Variants in KCNH2 observed in about 807,000 individuals in gnomAD.
The protein encoded by KCNH2 is voltage-gated inwardly rectifying potassium channel KCNH2.
In KCNH2, 35 loss-of-function variants were observed where a neutral mutation model predicts 95.9. The observed-to-expected ratio is 0.37, with a 90% confidence interval of 0.28 to 0.48. KCNH2 has a LOEUF of 0.48. Among genes scored for constraint, KCNH2 ranks in the 20% least tolerant of loss-of-function variants. The pLI, the probability that KCNH2 is intolerant of heterozygous loss-of-function variation, is 0.99. For synonymous variants in KCNH2, 786 were observed against 754.7 expected (o/e 1.04, Z -0.68); for missense variants, 1,274 against 1,702.9 (o/e 0.75, Z 4.43).
chr7:150,969,952 C>T (rs1563184380), intron 2 of KCNH2, among the ~76,000 whole-genome samples: 1 of 152,280 alleles, frequency 6.6e-6, no homozygotes, highest in South Asian at 2.1e-4. Flanking sequence ...ACATTCATCA[C>T]CTGTCCCAGC....
chr7:150,950,825 G>T, intron 8 of KCNH2, 96 bp downstream of exon 8: 1 of 1,317,676 alleles, frequency 7.6e-7, no homozygotes, highest in Non-Finnish European at 1.1e-6. Flanking sequence ...TACTGACTGT[G>T]ACCGCCTGAG....
intron 1 of KCNH2, among the ~76,000 whole-genome samples, 199 bp from the exon 2 acceptor site, chr7:150,975,140 C>T (rs1005058110): frequency 4.0e-5 from 6 of 151,880 alleles, no homozygotes; most frequent in African/African-American, 1.2e-4. Flanking sequence ...CCGGGCCGCG[C>T]GGCGCGCCCC....
chr7:150,977,132 A>G (rs1422117807), intron 1 of KCNH2, among the ~76,000 whole-genome samples: 1 of 152,254 alleles, frequency 6.6e-6, no homozygotes, highest in South Asian at 2.1e-4. Context: ...CCCGGTCCCC[A>G]TAAGGGAATT....
chr7:150,977,726 T>G, intron 1 of KCNH2, 112 bp downstream of exon 1: 7 of 750,852 alleles, frequency 9.3e-6, no homozygotes, highest in African/African-American at 1.9e-5. Context: ...CCAGGCCCCA[T>G]TGACTCGCAC....
chr7:150,957,457 T>C lies in KCNH2; in HGVS notation c.962A>G (p.Asp321Gly). The C allele has an allele frequency of 6.2e-7, 1 of 1,613,904 alleles. No homozygotes were observed. The highest frequency in any genetic ancestry group is 8.5e-7 in the Non-Finnish European group (1 of 1,179,988). The change falls in exon 5 of 15, where the codon GAC (aspartate) becomes GGC (glycine). Residue 321 changes from aspartate to glycine, a missense_variant. Asp to Gly is a moderately conservative substitution (Grantham distance 94, BLOSUM62 -1). Transcript: ENST00000262186. ...LRSGLLNSTS[D>G]SDLVRYRTIS... is the part of the protein sequence containing the mutation. ...GGTGCGGTAGCGCACGAGGTCGGAGTCCGAGGTGGAGTTGAGCAAGCCGCT... is the reference window on the plus strand; with the variant it reads ...GGTGCGGTAGCGCACGAGGTCGGAGCCCGAGGTGGAGTTGAGCAAGCCGCT...
chr7:150,948,585 T>C, intron 10 of KCNH2, 42 bp from the exon 11 acceptor site: 1 of 1,550,772 alleles, frequency 6.4e-7, no homozygotes, highest in Non-Finnish European at 8.9e-7. Context: ...AGTGCTCTCC[T>C]GCCCCACCGG....
chr7:150,975,008 C>G (rs1348088802), intron 1 of KCNH2, 67 bp from the exon 2 acceptor site: 6 of 1,363,960 alleles, frequency 4.4e-6, no homozygotes, highest in Non-Finnish European at 6.0e-6. Flanking sequence ...CAGCCCTTCC[C>G]CACATTCTCC....
At position 150,947,048 on chromosome 7, in the gene KCNH2, C is replaced by A; in HGVS notation, c.3159G>T (p.Glu1053Asp). ...DALQRQLNRLETRLSADMATV... is the reference protein window; with the variant it reads ...DALQRQLNRLDTRLSADMATV... ...TGGCCATGTCTGCACTCAGCCGGGT[C>A]TCCAGCCTGGGGCAGGAAGTGGGGG... The change falls in exon 14 of 15, where the codon GAG (glutamate) becomes GAT (aspartate). Residue 1053 changes from glutamate to aspartate, a missense_variant. Glu to Asp is a conservative substitution (Grantham distance 45). Around this residue, in one of 7 missense-constraint regions of KCNH2, gnomAD observed 457 missense variants for 416.1 expected, o/e 1.10. Transcript: ENST00000262186. 11 of 1,598,052 alleles carry A rather than the reference C, an allele frequency of 6.9e-6. No homozygotes were observed. Among genetic ancestry groups the A allele is most frequent in the Non-Finnish European group, 9.4e-6 (11 of 1,170,456 alleles).
intron 12 of KCNH2, 23 bp downstream of exon 12, chr7:150,947,583 C>T (rs1417804041): frequency 9.3e-6 from 15 of 1,610,532 alleles, no homozygotes; most frequent in South Asian, 1.1e-5. Flanking sequence ...GGTCCTCCCT[C>T]GCCCGCCCGT....
Position 150,946,952 on chromosome 7 carries a change from C to A in KCNH2, c.3255G>T (p.Gly1085=), listed in dbSNP as rs1005325992. Reference sequence around the variant, plus strand: ...GCGGGGATGTGGAAGTGGGGCCAGGCCCCGGGGTGGTCACAGCACTGTAGG... The same window carrying A: ...GCGGGGATGTGGAAGTGGGGCCAGGACCCGGGGTGGTCACAGCACTGTAGG... ...PPAYSAVTTP[G]PGPTSTSPLL... Residue 1085 remains glycine, a synonymous_variant, in exon 14 of 15, where the codon GGG becomes GGT. Transcript: ENST00000262186. This position sits in a 1 kb window ranked among gnomAD's most constrained non-coding sequence, Gnocchi z 6.5. The A allele has an allele frequency of 6.9e-6, 11 of 1,605,452 alleles. No homozygotes were observed. Among genetic ancestry groups the A allele is most frequent in the Non-Finnish European group, 9.4e-6 (11 of 1,174,542 alleles).
intron 2 of KCNH2, among the ~76,000 whole-genome samples, chr7:150,974,001 G>C (rs1801903646): frequency 6.6e-6 from 1 of 152,222 alleles, no homozygotes; most frequent in African/African-American, 2.4e-5. Flanking sequence ...GGGCATTCAC[G>C]GTGTGGGAGC....
At chr7:150,974,624 CA>C in intron 2 of KCNH2, 86 bp downstream of exon 2, 4 of 896,834 alleles carry the variant, frequency 4.5e-6, no homozygotes, top group Non-Finnish European at 3.3e-6. Flanking sequence ...CCCACACCCC[CA>C]CACCCCCACG....
rs766203252 is a variant in KCNH2 at position 150,957,366 on chromosome 7, C to T, written c.1053G>A (p.Ser351=). The T allele has an allele frequency of 2.4e-5, 38 of 1,613,182 alleles. No individual in the cohort carries two copies. The highest frequency in any genetic ancestry group is 3.3e-4 in the Middle Eastern group (2 of 6,082). ...VDLKGDPFLA[S]PTSDREIIAP... is the part of the protein sequence containing the mutation. ...CTATGATCTCACGGTCACTGGTGGG[C>T]GAAGCCAAGAAGGGGTCGCCCTTGA... is the stretch of plus-strand genomic sequence containing the variant. Residue 351 remains serine (S), a synonymous_variant, in exon 5 of 15, where the codon TCG becomes TCA. Coordinates refer to ENST00000262186, the MANE Select transcript of KCNH2 (RefSeq NM_000238.4).
intron 5 of KCNH2, among the ~76,000 whole-genome samples, chr7:150,956,904 C>T (rs1475776038): frequency 2.6e-5 from 4 of 152,152 alleles, no homozygotes; most frequent in African/African-American, 7.2e-5. Flanking sequence ...GCCCCTAGTA[C>T]TTCCTTCACA....
chr7:150,947,951 A>C, intron 11 of KCNH2, 73 bp from the exon 12 acceptor site: 1 of 1,473,808 alleles, frequency 6.8e-7, no homozygotes, highest in Non-Finnish European at 9.0e-7. Context: ...GGAGGAGGGG[A>C]CAGGAGCGAG....
chr7:150,960,866 C>T (rs1330512658), intron 2 of KCNH2, among the ~76,000 whole-genome samples: 1 of 149,854 alleles, frequency 6.7e-6, no homozygotes, highest in African/African-American at 2.5e-5. Context: ...TGCCCCACCG[C>T]CCCCCGCCCC....
At chr7:150,949,130 C>T in intron 9 of KCNH2, 81 bp from the exon 10 acceptor site, 4 of 1,350,318 alleles carry the variant, frequency 3.0e-6, no homozygotes, top group Non-Finnish European at 4.2e-6. Flanking sequence ...GGCATCCCCA[C>T]CCCGGGCAGA....
chr7:150,950,468 C>A, intron 8 of KCNH2, 48 bp from the exon 9 acceptor site: 1 of 1,600,294 alleles, frequency 6.2e-7, no homozygotes, highest in Non-Finnish European at 8.5e-7. Context: ...TTGGGACCCC[C>A]CAACCCACAC....
intron 2 of KCNH2, among the ~76,000 whole-genome samples, chr7:150,972,980 G>A (rs1380586994): frequency 6.6e-6 from 1 of 152,198 alleles, no homozygotes; most frequent in Non-Finnish European, 1.5e-5. Flanking sequence ...ACATCGTAGT[G>A]GGACTGGCAC....
Sources: allele counts gnomAD v4.1 joint callset (sites outside exome capture counted in the v4.1 genomes callset), GRCh38; gene constraint gnomAD v4.1.1; regional missense constraint gnomAD v4.1.1; non-coding constraint Gnocchi (gnomAD v3.1); transcripts MANE v1.5; gene names NCBI Gene and HGNC (gene_info 2026-07-23, HGNC 2026-07-21).